The following CNOT4 variants were observed in gnomAD, a reference collection of about 807,000 sequenced individuals.
CNOT4 encodes the protein CCR4-associated factor 4.
In CNOT4, 8 loss-of-function variants were observed where a neutral mutation model predicts 73.8. The ratio of observed to expected loss-of-function variants is 0.11; its 90% CI spans 0.06 to 0.20. The LOEUF (loss-of-function observed/expected upper bound fraction) is 0.20, where lower values mean the gene tolerates loss of function less well. CNOT4 is among the 10% of genes least tolerant of loss of function. The probability of loss-of-function intolerance (pLI) is 1.00; values close to 1 mark genes in which losing one functional copy is unlikely to be tolerated. For synonymous variants in CNOT4, 293 were observed against 321.1 expected (o/e 0.91, Z 0.94); for missense variants, 564 against 883.4 (o/e 0.64, Z 4.58).
chr7:135,496,631 CCTCT>C (rs112838755), intron 1 of CNOT4, among the ~76,000 whole-genome samples: 2,916 of 148,414 alleles, frequency 0.02, 38 homozygotes, highest in Non-Finnish European at 0.028. Context: ...TCTTCCTATT[CCTCT>C]CTCTCTCTCT....
chr7:135,481,042 T>C (rs1339116327), intron 1 of CNOT4, among the ~76,000 whole-genome samples: 1 of 149,438 alleles, frequency 6.7e-6, no homozygotes, highest in Non-Finnish European at 1.5e-5. Context: ...AAGATTTTTA[T>C]GGCTAAGACC....
chr7:135,395,053 A>C (rs886146586), intron 9 of CNOT4, among the ~76,000 whole-genome samples: 4 of 152,120 alleles, frequency 2.6e-5, no homozygotes, highest in Non-Finnish European at 5.9e-5. Context: ...GGAAAATCTT[A>C]AACACAAATC....
intron 1 of CNOT4, among the ~76,000 whole-genome samples, chr7:135,464,247 T>C (rs1475352036): frequency 6.6e-6 from 1 of 152,180 alleles, no homozygotes; most frequent in Admixed American, 6.5e-5. Flanking sequence ...GAATGTTCAC[T>C]GCAGTGCTAT....
At chr7:135,419,828 A>T (rs988417240) in intron 3 of CNOT4, among the ~76,000 whole-genome samples, 1 of 151,692 alleles carries the variant, frequency 6.6e-6, no homozygotes, top group African/African-American at 2.4e-5. Context: ...GGATCACTTG[A>T]GGTCAGGAGT....
At chr7:135,429,999 G>A (rs1022025382) in intron 2 of CNOT4, among the ~76,000 whole-genome samples, 4 of 152,146 alleles carry the variant, frequency 2.6e-5, no homozygotes, top group African/African-American at 9.7e-5. Flanking sequence ...GAATCCCAGA[G>A]GTCTACATAC....
chr7:135,384,995 C>T (rs1563017148), intron 10 of CNOT4, among the ~76,000 whole-genome samples: 1 of 152,156 alleles, frequency 6.6e-6, no homozygotes, highest in Non-Finnish European at 1.5e-5. Context: ...CTTTTCTCAG[C>T]TCTTACGCTT....
At chr7:135,496,611 C>CTA (rs1030648130) in intron 1 of CNOT4, among the ~76,000 whole-genome samples, 15 of 151,928 alleles carry the variant, frequency 9.9e-5, no homozygotes, top group Non-Finnish European at 2.1e-4. Flanking sequence ...AGAAGCAACA[C>CTA]TATCCTGAAT....
chr7:135,375,950 G>C (rs1208453822), intron 10 of CNOT4, among the ~76,000 whole-genome samples: 7 of 151,786 alleles, frequency 4.6e-5, no homozygotes, highest in African/African-American at 1.7e-4. Context: ...AGGGGTGTGT[G>C]TGTGTGTGTA....
rs1330602020 is a variant in CNOT4 at position 135,497,925 on chromosome 7, TG to T, written c.-93+11963del. Among the ~76,000 whole-genome samples, 5 of 152,252 alleles carry T rather than the reference TG, an allele frequency of 3.3e-5. No homozygotes were observed. In the South Asian group the frequency reaches 8.3e-4, roughly 25 times the overall value. ...ATTAATAGAGAAATTCAAAGATGAA[TG>T]TTTTTTATTCCTTCAAATGCATAAA... On this transcript the variant is annotated intron_variant, in intron 1 of 11. Coordinates refer to ENST00000541284, the MANE Select transcript of CNOT4 (RefSeq NM_001190850.2).
intron 7 of CNOT4, among the ~76,000 whole-genome samples, chr7:135,408,477 A>G (rs934187392): frequency 2.4e-4 from 37 of 152,192 alleles, no homozygotes; most frequent in African/African-American, 8.4e-4. Flanking sequence ...ATAAGAAAAT[A>G]CACTAACACT....
At chr7:135,488,131 A>AT (rs917558367) in intron 1 of CNOT4, among the ~76,000 whole-genome samples, 9 of 151,946 alleles carry the variant, frequency 5.9e-5, no homozygotes, top group African/African-American at 1.9e-4. Flanking sequence ...GTTTTCAAGG[A>AT]TTTTTTTCAA....
chr7:135,489,929 G>A (rs535325731), intron 1 of CNOT4, among the ~76,000 whole-genome samples: 52 of 152,240 alleles, frequency 3.4e-4, no homozygotes, highest in Non-Finnish European at 5.1e-4. Flanking sequence ...AGAATCAAAG[G>A]AAAACTGATT....
intron 1 of CNOT4, among the ~76,000 whole-genome samples, chr7:135,457,153 G>A (rs1242872637): frequency 4.5e-4 from 69 of 151,990 alleles, no homozygotes. Flanking sequence ...TTAATGAGAT[G>A]TGCAACACAT....
intron 1 of CNOT4, among the ~76,000 whole-genome samples, chr7:135,489,778 G>GAT (rs1364335850): frequency 6.6e-6 from 1 of 152,090 alleles, no homozygotes; most frequent in African/African-American, 2.4e-5. Context: ...GAAACAGCTT[G>GAT]AGAAAACAGG....
At chr7:135,473,670 C>T (rs1801790380) in intron 1 of CNOT4, among the ~76,000 whole-genome samples, 1 of 152,094 alleles carries the variant, frequency 6.6e-6, no homozygotes, top group Admixed American at 6.5e-5. Context: ...TGGCTTGAGG[C>T]CAGGAGAAGG....
At chr7:135,453,979 AAT>A (rs1309054770) in intron 1 of CNOT4, among the ~76,000 whole-genome samples, 2 of 136,714 alleles carry the variant, frequency 1.5e-5, no homozygotes, top group African/African-American at 5.6e-5. Flanking sequence ...CTCTATAAAA[AAT>A]ATATATACAT....
At chr7:135,419,070 TA>T (rs1798031145) in intron 3 of CNOT4, among the ~76,000 whole-genome samples, 1 of 152,104 alleles carries the variant, frequency 6.6e-6, no homozygotes, top group Non-Finnish European at 1.5e-5. Context: ...CTCACAAATC[TA>T]AAATTTTAGG....
At chr7:135,459,509 T>C (rs2129486237) in intron 1 of CNOT4, among the ~76,000 whole-genome samples, 1 of 152,346 alleles carries the variant, frequency 6.6e-6, no homozygotes, top group Non-Finnish European at 1.5e-5. Flanking sequence ...ATTCTAAGGA[T>C]GTACTTTTAC....
intron 10 of CNOT4, among the ~76,000 whole-genome samples, chr7:135,385,402 T>G (rs1796069268): frequency 2.0e-5 from 3 of 152,204 alleles, no homozygotes; most frequent in Admixed American, 1.3e-4. Context: ...AGGCAATGCC[T>G]CCGTGGGAGT....
Sources: allele counts gnomAD v4.1 joint callset (sites outside exome capture counted in the v4.1 genomes callset), GRCh38; gene constraint gnomAD v4.1.1; transcripts MANE v1.5; gene names NCBI Gene and HGNC (gene_info 2026-07-23, HGNC 2026-07-21).